CCDC85C: variants seen among roughly 807,000 people sequenced by gnomAD.
The protein encoded by CCDC85C is coiled-coil domain containing 85C.
A neutral mutation model predicts 38.3 loss-of-function variants in CCDC85C; 18 were observed. That is an observed-to-expected ratio of 0.47 (90% confidence interval 0.33 to 0.70). The LOEUF is 0.70. Ranked by LOEUF, CCDC85C falls within the 30% of genes least tolerant of loss-of-function variation. The pLI, the probability that CCDC85C is intolerant of heterozygous loss-of-function variation, is 0.03. For synonymous variants in CCDC85C, 264 were observed against 293.8 expected, an observed-to-expected ratio of 0.90 and a Z score of 1.04; for missense variants, 566 against 621.2, an observed-to-expected ratio of 0.91 and a Z score of 0.94.
rs529177242 is a variant in CCDC85C, at chr14:99,527,256, A to G, written c.868-5016T>C. On this transcript the variant is annotated intron_variant, in intron 2 of 5. Coordinates refer to ENST00000380243, the MANE Select transcript of CCDC85C (RefSeq NM_001144995.2). Reference sequence around the variant, plus strand: ...TTATCGTCTGTCTGCATGGCTGGACAGGTGTGGTTCACCTCCCAGCCCAAG... The same window carrying G: ...TTATCGTCTGTCTGCATGGCTGGACGGGTGTGGTTCACCTCCCAGCCCAAG... Among the ~76,000 whole-genome samples, 20 of 152,298 alleles carry G rather than the reference A, an allele frequency of 1.3e-4. No homozygotes were observed. In the South Asian group the frequency reaches 2.7e-3, roughly 21 times the overall value.
intron 1 of CCDC85C, among the ~76,000 whole-genome samples, chr14:99,541,191 G>A (rs1379830408): frequency 6.6e-6 from 1 of 152,226 alleles, no homozygotes; most frequent in Non-Finnish European, 1.5e-5. Flanking sequence ...CATCCCTGGA[G>A]GGACCTGTTC....
chr14:99,534,082 G>A (rs547823830), intron 2 of CCDC85C, among the ~76,000 whole-genome samples: 13 of 152,314 alleles, frequency 8.5e-5, no homozygotes, highest in African/African-American at 2.4e-4. Context: ...AGGGCCGGGC[G>A]TGGTGGCTCA....
intron 1 of CCDC85C, among the ~76,000 whole-genome samples, chr14:99,538,100 G>A (rs965053661): frequency 3.9e-5 from 6 of 152,178 alleles, no homozygotes; most frequent in African/African-American, 1.4e-4. Flanking sequence ...GGTACCCACT[G>A]TCCCATGTGG....
chr14:99,552,760 C>T (rs558543815), intron 1 of CCDC85C, among the ~76,000 whole-genome samples: 1 of 152,386 alleles, frequency 6.6e-6, no homozygotes, highest in African/African-American at 2.4e-5. Context: ...CAGCTGGAAT[C>T]ATCGCCCTTT....
At position 99,539,860 on chromosome 14, in the gene CCDC85C, A is replaced by T. The variant is rs543314930; in HGVS notation, c.794-3772T>A. On this transcript the variant is annotated intron_variant, in intron 1 of 5. Transcript: ENST00000380243. ...TCTGAAATCCTTCTTTCAGAAAAAAAGAATGGCCGGGCGCGGTGGCTCATG... is the reference window on the plus strand; with the variant it reads ...TCTGAAATCCTTCTTTCAGAAAAAATGAATGGCCGGGCGCGGTGGCTCATG... 5.3e-5 allele frequency among the ~76,000 whole-genome samples: 8 copies of T among 152,204 alleles called. 1 individual carries two copies. In the South Asian group the frequency reaches 1.5e-3, roughly 28 times the overall value.
At chr14:99,583,435 C>T (rs1393272540) in intron 1 of CCDC85C, among the ~76,000 whole-genome samples, 1 of 143,260 alleles carries the variant, frequency 7.0e-6, no homozygotes, top group East Asian at 2.1e-4. Context: ...ACGTGGGAGG[C>T]GGAGGTTACA....
intron 1 of CCDC85C, among the ~76,000 whole-genome samples, chr14:99,549,331 C>A (rs1325059179): frequency 6.6e-6 from 1 of 152,216 alleles, no homozygotes; most frequent in African/African-American, 2.4e-5. Flanking sequence ...ATATGGAAAT[C>A]CCACAAACAC....
chr14:99,557,772 A>C (rs1898039819), intron 1 of CCDC85C, among the ~76,000 whole-genome samples: 2 of 151,994 alleles, frequency 1.3e-5, no homozygotes, highest in African/African-American at 4.8e-5. Context: ...AAAATTAGCC[A>C]GGTGTGGTGG....
chr14:99,584,792 C>T (rs1019938877), intron 1 of CCDC85C, among the ~76,000 whole-genome samples: 7 of 152,170 alleles, frequency 4.6e-5, no homozygotes, highest in African/African-American at 1.4e-4. Flanking sequence ...AATCACACTC[C>T]AAATAAGAAC....
chr14:99,598,574 G>A (rs995891439), intron 1 of CCDC85C, among the ~76,000 whole-genome samples: 19 of 152,196 alleles, frequency 1.2e-4, no homozygotes, highest in Admixed American at 6.5e-4. Context: ...AGACAGGAAT[G>A]AGGCCCCGGG....
intron 1 of CCDC85C, among the ~76,000 whole-genome samples, chr14:99,585,232 C>G (rs1382698674): frequency 6.6e-6 from 1 of 152,220 alleles, no homozygotes; most frequent in Non-Finnish European, 1.5e-5. Context: ...TCTCTGGGTG[C>G]TGGGGTCAAA....
chr14:99,516,235 C>T lies in CCDC85C; in HGVS notation c.1123G>A (p.Glu375Lys). 6.4e-7 allele frequency: 1 copy of T among 1,551,364 alleles called. No individual in the cohort carries two copies. The highest frequency in any genetic ancestry group is 2.4e-5 in the East Asian group (1 of 40,918). Residue 375 changes from glutamate to lysine, a missense_variant, in exon 5 of 6, where the codon GAG (glutamate) becomes AAG (lysine). Physicochemically the swap from Glu to Lys is moderately conservative, Grantham distance 56. Transcript: ENST00000380243. The surrounding 1 kb of genome is among the most constrained non-coding windows in gnomAD (Gnocchi z 5.5). ...GCCTTCTCCTTCTCACTCAGGTCCT[C>T]CTCACAGCTGTCCTGGAGCTGCCGG... is the stretch of plus-strand genomic sequence containing the variant. ...LDRQLQDSCE[E>K]DLSEKEKAIV...
chr14:99,548,197 A>T lies in CCDC85C; in HGVS notation c.794-12109T>A, dbSNP rs553560159. ...AGTCCCCTCCCAGATAAAGGATCAT[A>T]CCCAGAATCCCTAACATCAATAAGG... On this transcript the variant is annotated intron_variant, in intron 1 of 5. Transcript: ENST00000380243. This position sits in a 1 kb window ranked among gnomAD's most constrained non-coding sequence, Gnocchi z 4.9. Among the ~76,000 whole-genome samples, 347 of 152,164 alleles carry T rather than the reference A, an allele frequency of 2.3e-3. 1 individual carries two copies. The highest frequency in any genetic ancestry group is 4.5e-3 in the Non-Finnish European group (305 of 67,988).
chr14:99,601,436 C>A (rs2055197516), intron 1 of CCDC85C, among the ~76,000 whole-genome samples: 1 of 152,212 alleles, frequency 6.6e-6, no homozygotes, highest in Non-Finnish European at 1.5e-5. Context: ...CAAAACTCGA[C>A]AGAGCCTTTC....
At chr14:99,562,614 CAA>C (rs1428244179) in intron 1 of CCDC85C, among the ~76,000 whole-genome samples, 1 of 152,152 alleles carries the variant, frequency 6.6e-6, no homozygotes, top group Non-Finnish European at 1.5e-5. Flanking sequence ...CTGGGTGAAA[CAA>C]AAGTTAATCC....
intron 1 of CCDC85C, among the ~76,000 whole-genome samples, chr14:99,593,153 A>G (rs541047128): frequency 1.4e-4 from 21 of 152,328 alleles, no homozygotes; most frequent in Admixed American, 1.4e-3. Flanking sequence ...GGGCGCATTC[A>G]GGGCCCCACA....
chr14:99,571,492 C>T (rs115776378), intron 1 of CCDC85C, among the ~76,000 whole-genome samples: 1,914 of 152,292 alleles, frequency 0.013, 27 homozygotes, highest in African/African-American at 0.043. Context: ...AAGGCTGAGA[C>T]GCAGACCAAA....
intron 3 of CCDC85C, among the ~76,000 whole-genome samples, chr14:99,518,286 G>C (rs1012105056): frequency 5.3e-5 from 8 of 151,450 alleles, no homozygotes; most frequent in Admixed American, 1.3e-4. Context: ...CCAGGGCCTT[G>C]CAGGTTGACC....
chr14:99,524,716 T>C (rs568415765), intron 2 of CCDC85C, among the ~76,000 whole-genome samples: 2 of 152,302 alleles, frequency 1.3e-5, no homozygotes, highest in East Asian at 3.9e-4. Context: ...AGAATGAGAT[T>C]CCCTAGGATT....
Sources: gnomAD v4.1 joint callset for allele counts (sites outside exome capture counted in the v4.1 genomes callset) on GRCh38, gnomAD v4.1.1 for gene constraint, Gnocchi (gnomAD v3.1) non-coding constraint, MANE v1.5 for transcripts, NCBI Gene and HGNC (gene_info 2026-07-23, HGNC 2026-07-21) for gene names.